Variants in SNX29 observed in about 807,000 individuals in gnomAD.
The protein encoded by SNX29 is sorting nexin 29.
A neutral mutation model predicts 102.1 loss-of-function variants in SNX29; 78 were observed. The ratio of observed to expected loss-of-function variants is 0.76; its 90% confidence interval spans 0.64 to 0.92. The LOEUF (loss-of-function observed/expected upper bound fraction) is 0.92, where lower values mean the gene tolerates loss of function less well. SNX29 is among the 40% of genes least tolerant of loss of function. The pLI is 0.00. For missense variants in SNX29, 1,280 were observed against 1,061.7 expected, an observed-to-expected ratio of 1.21 and a Z score of -2.86; for synonymous variants, 580 against 414.5, an observed-to-expected ratio of 1.40 and a Z score of -4.85.
chr16:12,243,482 A>C (rs2078172444), intron 14 of SNX29, among the ~76,000 whole-genome samples: 1 of 152,162 alleles, frequency 6.6e-6, no homozygotes, highest in Admixed American at 6.5e-5. Flanking sequence ...GGGACTCAGT[A>C]CCGTGTGAGA....
intron 13 of SNX29, among the ~76,000 whole-genome samples, chr16:12,192,784 C>T (rs1256947443): frequency 6.6e-6 from 1 of 152,166 alleles, no homozygotes; most frequent in African/African-American, 2.4e-5. Flanking sequence ...CTCACTGCAA[C>T]CTCTGCCTCC....
chr16:12,455,279 C>T (rs2086484608), intron 18 of SNX29, among the ~76,000 whole-genome samples: 3 of 152,158 alleles, frequency 2.0e-5, no homozygotes, highest in African/African-American at 7.2e-5. Flanking sequence ...TTCTAAAGCC[C>T]CCACACCTCG....
At chr16:12,227,923 A>C (rs2077660454) in intron 14 of SNX29, among the ~76,000 whole-genome samples, 2 of 151,138 alleles carry the variant, frequency 1.3e-5, no homozygotes, top group East Asian at 3.9e-4. Context: ...AAAAAAAAAA[A>C]AAAGACCGAA....
chr16:12,223,611 C>T (rs1439404831), intron 14 of SNX29, among the ~76,000 whole-genome samples: 1 of 152,194 alleles, frequency 6.6e-6, no homozygotes, highest in Non-Finnish European at 1.5e-5. Flanking sequence ...TTGCAGTGAG[C>T]CAGGATGGCG....
rs189809448 is a variant in SNX29, at chr16:12,565,496, C to G, written c.2319-3010C>G. On this transcript the variant is annotated intron_variant, in intron 20 of 20. Transcript: ENST00000566228. ...CCATCACAGCACCCCTGCCTCCAAG[C>G]CTGTGTCCCGAGACATGGCTCTGCT... Among the ~76,000 whole-genome samples, 94 of 152,310 alleles carry G rather than the reference C, an allele frequency of 6.2e-4. 1 individual carries two copies. Among genetic ancestry groups the G allele is most frequent in the African/African-American group, 2.1e-3 (89 of 41,556 alleles).
At chr16:12,150,488 G>A (rs932689534) in intron 13 of SNX29, among the ~76,000 whole-genome samples, 4 of 152,182 alleles carry the variant, frequency 2.6e-5, no homozygotes, top group Admixed American at 2.6e-4. Flanking sequence ...ACCAGCACTG[G>A]CGTCTTCAGT....
intron 14 of SNX29, among the ~76,000 whole-genome samples, chr16:12,217,763 A>C (rs967440185): frequency 2.0e-5 from 3 of 152,200 alleles, no homozygotes; most frequent in South Asian, 4.1e-4. Context: ...AATTTCATTC[A>C]ACTGGAATTC....
At chr16:12,509,520 C>T (rs1191849090) in intron 19 of SNX29, among the ~76,000 whole-genome samples, 6 of 152,182 alleles carry the variant, frequency 3.9e-5, no homozygotes, top group African/African-American at 1.4e-4. Flanking sequence ...GTCGGAACCC[C>T]GTATCCTGTC....
intron 15 of SNX29, among the ~76,000 whole-genome samples, chr16:12,334,384 C>T (rs896508224): frequency 2.6e-5 from 4 of 151,984 alleles, no homozygotes; most frequent in Admixed American, 2.6e-4. Context: ...TAGGTGAGTC[C>T]CACCTTGGGG....
At chr16:12,118,422 G>A (rs2053831023) in intron 11 of SNX29, among the ~76,000 whole-genome samples, 1 of 146,046 alleles carries the variant, frequency 6.8e-6, no homozygotes, top group Non-Finnish European at 1.5e-5. Flanking sequence ...CTGGGTTCAA[G>A]TCATCCCCTG....
At chr16:12,262,423 C>CTTAA (rs1258437351) in intron 14 of SNX29, among the ~76,000 whole-genome samples, 1 of 152,186 alleles carries the variant, frequency 6.6e-6, no homozygotes. Flanking sequence ...CAAAGAGATA[C>CTTAA]TTAAGCACAT....
intron 14 of SNX29, among the ~76,000 whole-genome samples, chr16:12,224,561 A>G (rs560460579): frequency 1.3e-5 from 2 of 152,308 alleles, no homozygotes; most frequent in South Asian, 4.1e-4. Flanking sequence ...AGAAAGTGAC[A>G]TTTGATCAGA....
rs117732676 is a variant in SNX29 at position 12,463,147 on chromosome 16, C to T, written c.2038-14572C>T. ...GCTCCTGGGCACTGCTGCCCGTCAG[C>T]GGTCGTTGTCGCTCTGACTTGGGGT... On this transcript the variant is annotated intron_variant, in intron 18 of 20. Coordinates refer to ENST00000566228, the MANE Select transcript of SNX29 (RefSeq NM_032167.5). Among the ~76,000 whole-genome samples, 609 of 152,298 alleles carry T rather than the reference C, an allele frequency of 4.0e-3. 7 individuals are homozygous for T. The highest frequency in any genetic ancestry group is 4.5e-3 in the Non-Finnish European group (308 of 68,020).
At chr16:12,252,036 G>C (rs76712988) in intron 14 of SNX29, among the ~76,000 whole-genome samples, 1 of 152,084 alleles carries the variant, frequency 6.6e-6, no homozygotes, top group South Asian at 2.1e-4. Flanking sequence ...GTGGGATTAC[G>C]GATATGAGCC....
intron 18 of SNX29, among the ~76,000 whole-genome samples, chr16:12,461,978 A>T (rs6498304): frequency 0.023 from 609 of 26,812 alleles, 2 homozygotes; most frequent in Non-Finnish European, 0.028. Flanking sequence ...AAAAAAAAAA[A>T]ATATATATAT....
intron 8 of SNX29, chr16:12,060,867 T>C (rs2050744888): frequency 2.2e-6 from 1 of 456,198 alleles, no homozygotes; most frequent in East Asian, 7.0e-5. Flanking sequence ...ACAGATCATA[T>C]GAGCATGGTT....
In SNX29 at chr16:12,573,229, A is replaced by G. The variant is rs904521801; in HGVS notation, c.*4600A>G. 3.1e-5 allele frequency: 7 copies of G among 226,412 alleles called. No individual in the cohort carries two copies. Among genetic ancestry groups the G allele is most frequent in the Non-Finnish European group, 6.1e-5 (7 of 114,010 alleles). 14.0% of individuals were successfully genotyped at this position (226,412 alleles called of 1,614,324 possible). A position where few individuals can be genotyped will look rare whatever the true frequency, so the allele number is the denominator to read the frequency against. ...CAGACCGGATCCCGCAGTTCATCCC[A>G]TGGTTGTTGAAATGTACCTCGATCA... On this transcript the variant is annotated 3_prime_UTR_variant, in exon 21 of 21. Transcript: ENST00000566228.
chr16:12,559,724 G>T (rs1432368950), intron 20 of SNX29, among the ~76,000 whole-genome samples: 1 of 152,068 alleles, frequency 6.6e-6, no homozygotes, highest in Non-Finnish European at 1.5e-5. Context: ...AGAACACCAA[G>T]AAATAGATGA....
chr16:12,014,883 A>T (rs2056796270), intron 3 of SNX29, among the ~76,000 whole-genome samples: 1 of 152,044 alleles, frequency 6.6e-6, no homozygotes, highest in South Asian at 2.1e-4. Flanking sequence ...TCAAACCTTC[A>T]CACTTATGGT....
Sources: gnomAD v4.1 joint callset for allele counts (sites outside exome capture counted in the v4.1 genomes callset) on GRCh38, gnomAD v4.1.1 for gene constraint, MANE v1.5 for transcripts, NCBI Gene and HGNC (gene_info 2026-07-23, HGNC 2026-07-21) for gene names.